Variants in OSBPL8 observed in about 807,000 individuals in gnomAD.
OSBPL8 encodes the protein oxysterol-binding protein-related protein 8.
A neutral mutation model predicts 125.5 loss-of-function variants in OSBPL8; 59 were observed. The observed-to-expected ratio is 0.47, with a 90% CI of 0.38 to 0.58. The LOEUF (loss-of-function observed/expected upper bound fraction) is 0.58. Among genes scored for constraint, OSBPL8 ranks in the 20% least tolerant of loss-of-function variants. The probability of loss-of-function intolerance (pLI) is 0.00; values close to 1 mark genes in which losing one functional copy is unlikely to be tolerated. For missense variants in OSBPL8, 758 were observed against 1,047.8 expected (o/e 0.72, Z 3.82); for synonymous variants, 330 against 338.9 (o/e 0.97, Z 0.29).
chr12:76,536,092 G>C (rs182067391), intron 1 of OSBPL8, among the ~76,000 whole-genome samples: 253 of 152,070 alleles, frequency 1.7e-3, no homozygotes, highest in African/African-American at 5.8e-3. Flanking sequence ...GTGATATTGG[G>C]GGGGTGTGAG....
chr12:76,442,049 C>T (rs1021302976), intron 4 of OSBPL8, among the ~76,000 whole-genome samples: 1 of 152,008 alleles, frequency 6.6e-6, no homozygotes. Flanking sequence ...CTAATGTACT[C>T]CATAAATATT....
At chr12:76,449,771 A>C (rs912133648) in intron 4 of OSBPL8, among the ~76,000 whole-genome samples, 1 of 152,230 alleles carries the variant, frequency 6.6e-6, no homozygotes. Context: ...AATATTTTCC[A>C]AATGACTAAT....
intron 4 of OSBPL8, among the ~76,000 whole-genome samples, chr12:76,423,502 T>C (rs528927035): frequency 6.6e-6 from 1 of 152,298 alleles, no homozygotes; most frequent in South Asian, 2.1e-4. Context: ...AGTCTATCAA[T>C]GAGTCTTTCC....
At position 76,352,307 on chromosome 12, in the gene OSBPL8, C is replaced by T. The variant is rs765879479; in HGVS notation, c.*3582G>A. On this transcript the variant is annotated 3_prime_UTR_variant, in exon 24 of 24. Transcript: ENST00000261183. ...CACATTCATTTTGTCATGGGTTTCA[C>T]GTGGCTCTTCTAAATATATTAATCA... 4 of 152,366 alleles carry T rather than the reference C, an allele frequency of 2.6e-5. No individual in the cohort carries two copies. The highest frequency in any genetic ancestry group is 9.7e-5 in the African/African-American group (4 of 41,404). 9.4% of individuals were successfully genotyped at this position (152,366 alleles called of 1,614,324 possible).
At chr12:76,513,944 T>A (rs1325521226) in intron 1 of OSBPL8, among the ~76,000 whole-genome samples, 1 of 151,998 alleles carries the variant, frequency 6.6e-6, no homozygotes, top group Non-Finnish European at 1.5e-5. Context: ...ATGTGTGGAT[T>A]TGATCCTGTC....
At chr12:76,462,794 A>C (rs1353581616) in intron 2 of OSBPL8, among the ~76,000 whole-genome samples, 1 of 152,188 alleles carries the variant, frequency 6.6e-6, no homozygotes, top group African/African-American at 2.4e-5. Flanking sequence ...CTGGCATAAC[A>C]ACATACAGGG....
At chr12:76,400,654 G>A (rs192809426) in intron 6 of OSBPL8, among the ~76,000 whole-genome samples, 179 of 151,272 alleles carry the variant, frequency 1.2e-3, no homozygotes, top group African/African-American at 4.1e-3. Context: ...AGTCTAAACC[G>A]CTGTAGAATT....
rs1384004717 is a variant in OSBPL8, at chr12:76,355,314, A to T, written c.*575T>A. On this transcript the variant is annotated 3_prime_UTR_variant, in exon 24 of 24. Coordinates refer to ENST00000261183, the MANE Select transcript of OSBPL8 (RefSeq NM_020841.5). ...ATTTGCCATTTATCTCTCTCGATGT[A>T]TTCATTTTGACCATTCATACTTTTT... 1 of 152,430 alleles carries T rather than the reference A, an allele frequency of 6.6e-6. No homozygotes were observed. Among genetic ancestry groups the T allele is most frequent in the Non-Finnish European group, 1.5e-5 (1 of 67,972 alleles). 9.4% of individuals were successfully genotyped at this position (152,430 alleles called of 1,614,324 possible). A position where few individuals can be genotyped will look rare whatever the true frequency, so the allele number is the denominator to read the frequency against.
At chr12:76,361,623 T>G (rs150537197) in intron 21 of OSBPL8, among the ~76,000 whole-genome samples, 2 of 152,170 alleles carry the variant, frequency 1.3e-5, no homozygotes, top group African/African-American at 4.8e-5. Context: ...AGGCTTAAAT[T>G]TGATGTTCAG....
In OSBPL8 at chr12:76,371,509, G is replaced by C. The variant is rs776389454; in HGVS notation, c.1993C>G (p.Gln665Glu). 5 of 1,610,880 alleles carry C rather than the reference G, an allele frequency of 3.1e-6. No individual in the cohort carries two copies. The African/African-American group carries it at 6.7e-5, about 22-fold the overall frequency. ...VFWNPTPDIK[Q>E]WRLIRHTVKF... ...ACAGTGTGCCTTATTAATCTCCATT[G>C]CTTAATGTCAGGTGTTGGATTCCAG... The change falls in exon 19 of 24, where the codon CAA (glutamine) becomes GAA (glutamate). Residue 665 changes from glutamine (Q) to glutamate (E), a missense_variant. Gln to Glu is a conservative substitution (Grantham distance 29). Coordinates refer to ENST00000261183, the MANE Select transcript of OSBPL8 (RefSeq NM_020841.5).
At chr12:76,365,092 A>G (rs1952366000) in intron 21 of OSBPL8, among the ~76,000 whole-genome samples, 2 of 151,990 alleles carry the variant, frequency 1.3e-5, no homozygotes, top group Admixed American at 6.6e-5. Context: ...AGTAGCTGAG[A>G]CTACAGGCGT....
chr12:76,399,592 C>T (rs529383041), intron 7 of OSBPL8, among the ~76,000 whole-genome samples: 1 of 152,216 alleles, frequency 6.6e-6, no homozygotes, highest in East Asian at 1.9e-4. Flanking sequence ...TTTTTTACAG[C>T]ATATTGTATT....
At chr12:76,460,406 A>G (rs1874573523) in intron 2 of OSBPL8, among the ~76,000 whole-genome samples, 2 of 151,772 alleles carry the variant, frequency 1.3e-5, no homozygotes, top group Non-Finnish European at 2.9e-5. Context: ...AGTAAGGAAC[A>G]TTTATTGAGT....
chr12:76,503,399 C>T (rs1305598650), intron 1 of OSBPL8, among the ~76,000 whole-genome samples: 3 of 152,146 alleles, frequency 2.0e-5, no homozygotes, highest in East Asian at 3.8e-4. Flanking sequence ...ATACTGAATT[C>T]GGGTCCACCC....
rs768206800 is a variant in OSBPL8, at chr12:76,356,027, A to G, written c.2538-6T>C. ...TTCGAAGAGCCATAATATTTCTATAAAAATAAGCAACAACAAATTTTGTAA... is the reference window on the plus strand; with the variant it reads ...TTCGAAGAGCCATAATATTTCTATAGAAATAAGCAACAACAAATTTTGTAA... On this transcript the variant is annotated splice_polypyrimidine_tract_variant and splice_region_variant and intron_variant, in intron 23 of 23. Transcript: ENST00000261183. 1.7e-5 allele frequency: 27 copies of G among 1,601,794 alleles called. No individual in the cohort carries two copies. Among genetic ancestry groups the G allele is most frequent in the Non-Finnish European group, 2.2e-5 (26 of 1,176,358 alleles).
intron 1 of OSBPL8, among the ~76,000 whole-genome samples, chr12:76,549,607 T>C (rs1950879873): frequency 6.6e-6 from 1 of 152,114 alleles, no homozygotes; most frequent in Non-Finnish European, 1.5e-5. Flanking sequence ...TTCACTATGT[T>C]GGCCAGGCTG....
At chr12:76,490,581 C>G (rs552916088) in intron 1 of OSBPL8, among the ~76,000 whole-genome samples, 40 of 152,356 alleles carry the variant, frequency 2.6e-4, no homozygotes, top group Admixed American at 2.6e-3. Context: ...TTCAGCTCCC[C>G]TTCTGGTTAA....
chr12:76,366,211 ATTT>A (rs1477137366), intron 21 of OSBPL8, among the ~76,000 whole-genome samples: 2 of 151,840 alleles, frequency 1.3e-5, no homozygotes, highest in Admixed American at 1.3e-4. Flanking sequence ...CTGAACTTGA[ATTT>A]TTCTTTGGAG....
At chr12:76,419,269 T>C (rs148128852) in intron 4 of OSBPL8, among the ~76,000 whole-genome samples, 4 of 152,148 alleles carry the variant, frequency 2.6e-5, no homozygotes, top group African/African-American at 9.6e-5. Context: ...AAAGTGCATA[T>C]ATATAGTATA....
Sources: gnomAD v4.1 joint callset for allele counts (sites outside exome capture counted in the v4.1 genomes callset) on GRCh38, gnomAD v4.1.1 for gene constraint, MANE v1.5 for transcripts, NCBI Gene and HGNC (gene_info 2026-07-23, HGNC 2026-07-21) for gene names.